The following ERCC4 variants were observed in gnomAD, a reference collection of about 807,000 sequenced individuals.
The protein encoded by ERCC4 is ERCC excision repair 4, endonuclease catalytic subunit, also known as DNA repair endonuclease XPF.
In ERCC4, 65 loss-of-function variants were observed where a neutral mutation model predicts 76.9. The observed-to-expected ratio is 0.84, with a 90% CI of 0.69 to 1.04. The LOEUF (loss-of-function observed/expected upper bound fraction) is 1.04. Among genes scored for constraint, ERCC4 ranks in the 50% least tolerant of loss-of-function variants. The pLI, the probability that ERCC4 is intolerant of heterozygous loss-of-function variation, is 0.00. For missense variants in ERCC4, 1,214 were observed against 1,128.2 expected (o/e 1.08, Z -1.09); for synonymous variants, 463 against 410.1 (o/e 1.13, Z -1.56).
Position 13,935,472 on chromosome 16 carries a change from T to C in ERCC4, c.1540T>C (p.Tyr514His). 1 of 1,614,126 alleles carries C rather than the reference T, an allele frequency of 6.2e-7. No individual in the cohort carries two copies. The highest frequency in any genetic ancestry group is 8.5e-7 in the Non-Finnish European group (1 of 1,180,014). Reference protein sequence around the residue: ...LEEEGDVEEGYRREISSSPES... With the variant: ...LEEEGDVEEGHRREISSSPES... ...AGAGGAAGGAGATGTCGAGGAAGGATATCGTCGAGAAATAAGCAGTAGCCC... is the reference window on the plus strand; with the variant it reads ...AGAGGAAGGAGATGTCGAGGAAGGACATCGTCGAGAAATAAGCAGTAGCCC... Residue 514 changes from tyrosine to histidine, a missense_variant, in exon 8 of 11, where the codon TAT (tyrosine) becomes CAT (histidine). By Grantham distance (83) the Tyr-to-His change is moderately conservative. Transcript: ENST00000311895.
At chr16:13,941,726 A>G (rs1041767122) in intron 9 of ERCC4, among the ~76,000 whole-genome samples, 3 of 152,232 alleles carry the variant, frequency 2.0e-5, no homozygotes, top group Non-Finnish European at 2.9e-5. Context: ...ACTTAGTAAT[A>G]ACATCCTCAG....
chr16:13,932,152 A>G lies in ERCC4; in HGVS notation c.974-5A>G, dbSNP rs745439462. 1.9e-6 allele frequency: 3 copies of G among 1,612,562 alleles called. No individual in the cohort carries two copies. Among genetic ancestry groups the G allele is most frequent in the Non-Finnish European group, 2.5e-6 (3 of 1,178,834 alleles). On this transcript the variant is annotated splice_region_variant and splice_polypyrimidine_tract_variant and intron_variant, in intron 5 of 10. Transcript: ENST00000311895. ...GGCACTTTTTCTTTTAACTTTTCGT[A>G]TTAGGTTGGCTGTTTCTTGACTCCA...
At position 13,935,370 on chromosome 16, in the gene ERCC4, A is replaced by G. The variant is rs1234590300; in HGVS notation, c.1438A>G (p.Thr480Ala). The change falls in exon 8 of 11, where the codon ACC (threonine) becomes GCC (alanine). Residue 480 changes from threonine (T) to alanine (A), a missense_variant. Coordinates refer to ENST00000311895, the MANE Select transcript of ERCC4 (RefSeq NM_005236.3). ...CCCCCAAAACAAAGAACGGGCTTCT[A>G]CCAAAGAAAGAACCCTCAAAAAGAA... ...KDPQNKERAS[T>A]KERTLKKKKR... is the part of the protein sequence containing the mutation. 1.9e-6 allele frequency: 3 copies of G among 1,608,296 alleles called. No individual in the cohort carries two copies. The highest frequency in any genetic ancestry group is 1.3e-5 in the African/African-American group (1 of 74,340).
At position 13,934,274 on chromosome 16, in the gene ERCC4, T is replaced by C. The variant is rs1196163370; in HGVS notation, c.1185T>C (p.Asn395=). 1.2e-6 allele frequency: 2 copies of C among 1,612,540 alleles called. No homozygotes were observed. The part of the protein sequence containing the change: ...TEVLKEIEAE[N]KESEALGGPG... ...TATTAAAAGAAATTGAGGCAGAAAA[T>C]AAGGAGAGTGAAGCTCTTGGTGGTC... Residue 395 remains asparagine, a synonymous_variant, in exon 7 of 11, where the codon AAT becomes AAC. Transcript: ENST00000311895.
At position 13,935,163 on chromosome 16, in the gene ERCC4, G is replaced by T; in HGVS notation, c.1231G>T (p.Ala411Ser). The T allele has an allele frequency of 6.2e-7, 1 of 1,613,520 alleles. No individual in the cohort carries two copies. The highest frequency in any genetic ancestry group is 8.5e-7 in the Non-Finnish European group (1 of 1,179,442). The change falls in exon 8 of 11, where the codon GCA becomes TCA. Residue 411 changes from alanine (A) to serine (S), a missense_variant. Coordinates refer to ENST00000311895, the MANE Select transcript of ERCC4 (RefSeq NM_005236.3). ...ATTTTCAGGTCAAGTACTGATTTGT[G>T]CAAGTGATGACCGAACATGTTCCCA... ...LGGPGQVLICASDDRTCSQLR... is the reference protein window; with the variant it reads ...LGGPGQVLICSSDDRTCSQLR...
chr16:13,942,056 T>G (rs1054192265), intron 9 of ERCC4, among the ~76,000 whole-genome samples: 1 of 152,176 alleles, frequency 6.6e-6, no homozygotes, highest in African/African-American at 2.4e-5. Context: ...CATCTCAATT[T>G]GTTTAAAAAT....
intron 5 of ERCC4, 156 bp downstream of exon 5, chr16:13,931,046 T>C: frequency 1.5e-6 from 1 of 651,986 alleles, no homozygotes; most frequent in East Asian, 2.7e-5. Flanking sequence ...ATGTAGGTTT[T>C]ATTGATAGCT....
chr16:13,928,045 A>T lies in ERCC4; in HGVS notation c.602A>T (p.Asn201Ile). ...YLWPRFHVAV[N>I]SFLEQHKPEV... ...CTCTTTAGGTTCCATGTAGCAGTAA[A>T]CTCATTTTTAGAACAGCACAAACCT... Residue 201 changes from asparagine (N) to isoleucine (I), a missense_variant, in exon 4 of 11, where the codon AAC becomes ATC. Coordinates refer to ENST00000311895, the MANE Select transcript of ERCC4 (RefSeq NM_005236.3). 6.2e-7 allele frequency: 1 copy of T among 1,613,068 alleles called. No homozygotes were observed. The highest frequency in any genetic ancestry group is 8.5e-7 in the Non-Finnish European group (1 of 1,179,416).
At position 13,952,055 on chromosome 16, in the gene ERCC4, C is replaced by G. The variant is rs1431352950; in HGVS notation, c.*3708C>G. 1 of 198,716 alleles carries G rather than the reference C, an allele frequency of 5.0e-6. No individual in the cohort carries two copies. Among genetic ancestry groups the G allele is most frequent in the Non-Finnish European group, 1.0e-5 (1 of 96,268 alleles). The allele number at this position is 198,716 out of a possible 1,614,324, so 12.3% of individuals were successfully genotyped here. A position where few individuals can be genotyped will look rare whatever the true frequency, so the allele number is the denominator to read the frequency against. On this transcript the variant is annotated 3_prime_UTR_variant, in exon 11 of 11. Transcript: ENST00000311895. ...TCCTTATCAACCAGGCTTTTGGTAG[C>G]CTAAACCGCTATGCTGTTGTTTTTT...
chr16:13,937,800 G>A lies in ERCC4; in HGVS notation c.1846G>A (p.Glu616Lys). 1.2e-6 allele frequency: 2 copies of A among 1,613,666 alleles called. No homozygotes were observed. The highest frequency in any genetic ancestry group is 1.7e-6 in the Non-Finnish European group (2 of 1,179,590). Reference sequence around the variant, plus strand: ...TCTTATATACGGAGGTTCAACTGAGGAACAACGCTATCTCACTGCTTTGCG... The same window carrying A: ...TCTTATATACGGAGGTTCAACTGAGAAACAACGCTATCTCACTGCTTTGCG... ...YFLIYGGSTEEQRYLTALRKE... is the reference protein window; with the variant it reads ...YFLIYGGSTEKQRYLTALRKE... The change falls in exon 9 of 11, where the codon GAA becomes AAA. Residue 616 changes from glutamate to lysine, a missense_variant. Coordinates refer to ENST00000311895, the MANE Select transcript of ERCC4 (RefSeq NM_005236.3).
chr16:13,925,762 A>C lies in ERCC4; in HGVS notation c.389-799A>C, dbSNP rs1360368495. Among the ~76,000 whole-genome samples the C allele has an allele frequency of 2.0e-5, 3 of 152,194 alleles. No homozygotes were observed. In the East Asian group the frequency reaches 5.8e-4, roughly 29 times the overall value. On this transcript the variant is annotated intron_variant, in intron 2 of 10. Coordinates refer to ENST00000311895, the MANE Select transcript of ERCC4 (RefSeq NM_005236.3). ...TGGAGTAATTGTGGTTTTGATCTAG[A>C]AAGCATGTCTGTATGCCTTTATGTC...
At position 13,944,767 on chromosome 16, in the gene ERCC4, A is replaced by T; in HGVS notation, c.1949A>T (p.Asp650Val). 6.2e-7 allele frequency: 1 copy of T among 1,614,134 alleles called. No individual in the cohort carries two copies. The highest frequency in any genetic ancestry group is 1.3e-5 in the African/African-American group (1 of 75,060). Residue 650 changes from aspartate (D) to valine (V), a missense_variant, in exon 10 of 11, where the codon GAT (aspartate) becomes GTT (valine). Coordinates refer to ENST00000311895, the MANE Select transcript of ERCC4 (RefSeq NM_005236.3). ...MVVPEEREGRDETNLDLVRGT... is the reference protein window; with the variant it reads ...MVVPEEREGRVETNLDLVRGT... ...GTCCCTGAAGAAAGAGAAGGCAGAG[A>T]TGAAACAAACTTAGACCTAGTAAGA...
In ERCC4 at chr16:13,950,482, A is replaced by G. The variant is rs578166086; in HGVS notation, c.*2135A>G. On this transcript the variant is annotated 3_prime_UTR_variant, in exon 11 of 11. Coordinates refer to ENST00000311895, the MANE Select transcript of ERCC4 (RefSeq NM_005236.3). Reference sequence around the variant, plus strand: ...AATAAAAATTAGTTTAAGATGGAATAAAGATTTGGGCTGCTAATTTTTTCC... The same window carrying G: ...AATAAAAATTAGTTTAAGATGGAATGAAGATTTGGGCTGCTAATTTTTTCC... The G allele has an allele frequency of 5.2e-6, 1 of 192,508 alleles. No individual in the cohort carries two copies. Among genetic ancestry groups the G allele is most frequent in the African/African-American group, 2.3e-5 (1 of 43,254 alleles). The allele number at this position is 192,508 out of a possible 1,614,324, so 11.9% of individuals were successfully genotyped here. A position where few individuals can be genotyped will look rare whatever the true frequency, so the allele number is the denominator to read the frequency against.
At chr16:13,920,402 G>A in intron 1 of ERCC4, 30 bp downstream of exon 1, 1 of 1,533,612 alleles carries the variant, frequency 6.5e-7, no homozygotes, top group Non-Finnish European at 8.7e-7. Context: ...GGAGTGAGGG[G>A]ACTCCGAGAG....
chr16:13,945,977 G>C (rs1421698570), intron 10 of ERCC4, among the ~76,000 whole-genome samples: 1 of 152,168 alleles, frequency 6.6e-6, no homozygotes, highest in East Asian at 1.9e-4. Context: ...AAGTCCAAAT[G>C]GGTTTCACAA....
chr16:13,944,459 A>G (rs1334865022), intron 9 of ERCC4, among the ~76,000 whole-genome samples: 3 of 152,188 alleles, frequency 2.0e-5, no homozygotes, highest in Admixed American at 6.5e-5. Context: ...ATTTGAATAT[A>G]AAGTCAAAAT....
At position 13,932,421 on chromosome 16, in the gene ERCC4, T is replaced by C. The variant is rs147694922; in HGVS notation, c.1102+136T>C. On this transcript the variant is annotated intron_variant, in intron 6 of 10. Coordinates refer to ENST00000311895, the MANE Select transcript of ERCC4 (RefSeq NM_005236.3). ...AAGATAAATGTATGTATGTTTGTTA[T>C]ATGTAACATGTAATGTATGTTGAAA... 507 of 765,304 alleles carry C rather than the reference T, an allele frequency of 6.6e-4. 2 individuals carry two copies. The African/African-American group carries it at 6.6e-3, about 10-fold the overall frequency. 47.4% of individuals were successfully genotyped at this position (765,304 alleles called of 1,614,324 possible).
At chr16:13,946,163 A>C (rs770495973) in intron 10 of ERCC4, among the ~76,000 whole-genome samples, 1 of 152,294 alleles carries the variant, frequency 6.6e-6, no homozygotes, top group Non-Finnish European at 1.5e-5. Context: ...TCCTGCCTCC[A>C]TCTTTCACTT....
At position 13,930,878 on chromosome 16, in the gene ERCC4, G is replaced by A; in HGVS notation, c.961G>A (p.Gly321Ser). ...TCTGAGAGCAACGGAAAAAGCTTTT[G>A]GTCAGAATTCAGGTGGGAGATTAAA... is the stretch of plus-strand genomic sequence containing the variant. Reference protein sequence around the residue: ...ESLRATEKAFGQNSGWLFLDS... With the variant: ...ESLRATEKAFSQNSGWLFLDS... Residue 321 changes from glycine to serine, a missense_variant, in exon 5 of 11, where the codon GGT becomes AGT. Physicochemically the swap from Gly to Ser is moderately conservative, Grantham distance 56 (BLOSUM62 0). Coordinates refer to ENST00000311895, the MANE Select transcript of ERCC4 (RefSeq NM_005236.3). The A allele has an allele frequency of 6.2e-7, 1 of 1,610,830 alleles. No individual in the cohort carries two copies. Among genetic ancestry groups the A allele is most frequent in the Non-Finnish European group, 8.5e-7 (1 of 1,177,140 alleles).
Sources: allele counts gnomAD v4.1 joint callset (sites outside exome capture counted in the v4.1 genomes callset), GRCh38; gene constraint gnomAD v4.1.1; transcripts MANE v1.5; gene names NCBI Gene and HGNC (gene_info 2026-07-23, HGNC 2026-07-21).